KIF7: variants seen among roughly 807,000 people sequenced by gnomAD.
KIF7 encodes the protein kinesin family member 7, also known as kinesin-like protein KIF7.
In KIF7, 104 loss-of-function variants were observed where a neutral mutation model predicts 135.7. The observed-to-expected ratio is 0.77, with a 90% CI of 0.65 to 0.90. The LOEUF (loss-of-function observed/expected upper bound fraction) is 0.90, where lower values mean the gene tolerates loss of function less well. Ranked by LOEUF, KIF7 falls within the 40% of genes least tolerant of loss-of-function variation. The pLI, the probability that KIF7 is intolerant of heterozygous loss-of-function variation, is 0.00. For missense variants in KIF7, 2,005 were observed against 1,839.1 expected (o/e 1.09, Z -1.65); for synonymous variants, 883 against 809.4 (o/e 1.09, Z -1.54).
At chr15:89,652,986 G>T in intron 1 of KIF7, 32 bp from the exon 2 acceptor site, 2 of 1,424,328 alleles carry the variant, frequency 1.4e-6, no homozygotes, top group Middle Eastern at 2.5e-4. Context: ...CTGGCCATCA[G>T]CACTTGTACT....
At chr15:89,661,623 C>T in the KIF7 span, among the ~76,000 whole-genome samples, 12 of 152,278 alleles carry the variant, frequency 7.9e-5, no homozygotes, top group South Asian at 2.1e-4. Context: ...TCTAGATGAC[C>T]GCACTAGCTC....
At position 89,649,954 on chromosome 15, in the gene KIF7, C is replaced by G. The variant is rs771408124; in HGVS notation, c.329-13G>C. On this transcript the variant is annotated splice_polypyrimidine_tract_variant and intron_variant, in intron 2 of 18. Coordinates refer to ENST00000394412, the MANE Select transcript of KIF7 (RefSeq NM_198525.3). ...TCAAGGAGGGAGGCTGGGGAGACAC[C>G]GCAGGGCCTCCTGCCACTTCAGCTG... The G allele has an allele frequency of 6.3e-5, 98 of 1,548,768 alleles. No homozygotes were observed. Among genetic ancestry groups the G allele is most frequent in the Middle Eastern group, 1.7e-4 (1 of 6,012 alleles).
rs150877563 is a variant in KIF7, at chr15:89,634,654, C to T, written c.2395-771G>A. On this transcript the variant is annotated intron_variant, in intron 11 of 18. Coordinates refer to ENST00000394412, the MANE Select transcript of KIF7 (RefSeq NM_198525.3). ...AAAGGCACACCAGGAGATTATATCC[C>T]GCACATGGCTCAGAGGGTCCTACGC... 3.6e-3 allele frequency among the ~76,000 whole-genome samples: 552 copies of T among 152,320 alleles called. 4 individuals are homozygous for T. The highest frequency in any genetic ancestry group is 0.013 in the African/African-American group (531 of 41,566).
chr15:89,642,128 T>A, intron 11 of KIF7, 75 bp downstream of exon 11: 8 of 1,480,938 alleles, frequency 5.4e-6, no homozygotes, highest in Non-Finnish European at 7.5e-6. Flanking sequence ...AGAGCCCACA[T>A]GTCCTGGTCC....
At position 89,633,983 on chromosome 15, in the gene KIF7, G is replaced by C. The variant is rs551168519; in HGVS notation, c.2395-100C>G. 9.5e-5 allele frequency: 119 copies of C among 1,252,822 alleles called. 1 individual carries two copies. Among genetic ancestry groups the C allele is most frequent in the African/African-American group, 4.3e-4 (29 of 68,042 alleles). 77.6% of individuals were successfully genotyped at this position (1,252,822 alleles called of 1,614,324 possible). On this transcript the variant is annotated intron_variant, in intron 11 of 18. Coordinates refer to ENST00000394412, the MANE Select transcript of KIF7 (RefSeq NM_198525.3). ...AGGGCAGGCAGATAGAGGGCAAATGGGTAGGTGGGTGATAGACCAATAATA... is the reference window on the plus strand; with the variant it reads ...AGGGCAGGCAGATAGAGGGCAAATGCGTAGGTGGGTGATAGACCAATAATA...
Position 89,645,111 on chromosome 15 carries a change from G to T in KIF7, c.2093C>A (p.Ala698Asp). The T allele has an allele frequency of 2.5e-6, 4 of 1,605,952 alleles. No homozygotes were observed. The highest frequency in any genetic ancestry group is 3.4e-6 in the Non-Finnish European group (4 of 1,179,984). The change falls in exon 10 of 19, where the codon GCC (alanine) becomes GAC (aspartate). Residue 698 changes from alanine to aspartate, a missense_variant. Coordinates refer to ENST00000394412, the MANE Select transcript of KIF7 (RefSeq NM_198525.3). Reference sequence around the variant, plus strand: ...GGCCTGGGCCAGCCGCCACTCTGAGGCTGTGGCAGGGGGGACCTGGCGGGC... The same window carrying T: ...GGCCTGGGCCAGCCGCCACTCTGAGTCTGTGGCAGGGGGGACCTGGCGGGC... ...VQARQVPPATASEWRLAQAQQ... is the reference protein window; with the variant it reads ...VQARQVPPATDSEWRLAQAQQ...
upstream of KIF7, among the ~76,000 whole-genome samples, chr15:89,660,002 G>A (rs1315564335): frequency 1.3e-5 from 2 of 152,194 alleles, no homozygotes; most frequent in Non-Finnish European, 2.9e-5. Context: ...TTGGAGACCA[G>A]CCTGGCCAAC....
intron 15 of KIF7, chr15:89,631,058 C>A: frequency 4.3e-6 from 1 of 231,362 alleles, no homozygotes; most frequent in Non-Finnish European, 8.6e-6. Flanking sequence ...TTTCTGGGAG[C>A]ACCATTGTTG....
downstream of KIF7, chr15:89,625,193 G>A (rs145901260): frequency 1.1e-4 from 178 of 1,613,268 alleles, 1 homozygote; most frequent in East Asian, 1.1e-3. Context: ...CCCTGCCCCC[G>A]CCTCTCCCAC....
At position 89,649,231 on chromosome 15, in the gene KIF7, G is replaced by A. The variant is rs779111299; in HGVS notation, c.666C>T (p.Thr222=). ...CGCGCCCCCGCTGCTCCAGGGTCACGGTGAAGACCGTGTGTGAGCGGCTAG... is the reference window on the plus strand; with the variant it reads ...CGCGCCCCCGCTGCTCCAGGGTCACAGTGAAGACCGTGTGTGAGCGGCTAG... ...HLSSRSHTVF[T]VTLEQRGRAP... The change falls in exon 4 of 19, where the codon ACC becomes ACT. Residue 222 remains threonine (T), a synonymous_variant. Transcript: ENST00000394412. 23 of 1,544,614 alleles carry A rather than the reference G, an allele frequency of 1.5e-5. No homozygotes were observed. Among genetic ancestry groups the A allele is most frequent in the African/African-American group, 9.6e-5 (7 of 72,846 alleles).
intron 1 of KIF7, chr15:89,619,911 A>G: frequency 6.5e-7 from 1 of 1,531,520 alleles, no homozygotes; most frequent in South Asian, 1.3e-5. Flanking sequence ...TGGGAAAAGA[A>G]GCAAGAAATT....
intron 11 of KIF7, among the ~76,000 whole-genome samples, chr15:89,638,136 T>C (rs1279811914): frequency 6.6e-6 from 1 of 151,424 alleles, no homozygotes; most frequent in African/African-American, 2.4e-5. Flanking sequence ...AAATTAGATA[T>C]TGATGGGACG....
chr15:89,632,931 C>T lies in KIF7; in HGVS notation c.2784G>A (p.Ala928=), dbSNP rs763169748. Residue 928 remains alanine, a synonymous_variant, in exon 14 of 19, where the codon GCG becomes GCA. Transcript: ENST00000394412. Reference sequence around the variant, plus strand: ...GGAGCTCCTCCCCCAGCTCCTCCAGCGCCCGCCGCTGCTGTAGCACCTTCT... The same window carrying T: ...GGAGCTCCTCCCCCAGCTCCTCCAGTGCCCGCCGCTGCTGTAGCACCTTCT... ...EMEKVLQQRR[A]LEELGEELHK... 12 of 1,608,438 alleles carry T rather than the reference C, an allele frequency of 7.5e-6. No homozygotes were observed. The highest frequency in any genetic ancestry group is 3.4e-5 in the Admixed American group (2 of 59,546).
intron 16 of KIF7, 187 bp downstream of exon 16, chr15:89,630,100 A>G: frequency 1.6e-6 from 1 of 633,306 alleles, no homozygotes; most frequent in Non-Finnish European, 2.8e-6. Flanking sequence ...GGGGGCGGGT[A>G]GGAAACTGGG....
At chr15:89,624,098 A>G (rs772615366), downstream of KIF7, 14 of 1,613,978 alleles carry the variant, frequency 8.7e-6, no homozygotes, top group Non-Finnish European at 1.2e-5. Context: ...ACGCCTCAGA[A>G]TCAAACACAC....
chr15:89,646,181 G>C lies in KIF7; in HGVS notation c.1789-155C>G, dbSNP rs1225126833. ...TGGCAGCCTTCTGAATCTCAAGCTGGGGTGAGAGCTTCCTCCCTCCCCTCC... is the reference window on the plus strand; with the variant it reads ...TGGCAGCCTTCTGAATCTCAAGCTGCGGTGAGAGCTTCCTCCCTCCCCTCC... On this transcript the variant is annotated intron_variant, in intron 7 of 18. Transcript: ENST00000394412. 3.3e-5 allele frequency among the ~76,000 whole-genome samples: 5 copies of C among 152,190 alleles called. No individual in the cohort carries two copies. The East Asian group carries it at 7.7e-4, about 24-fold the overall frequency.
intron 15 of KIF7, chr15:89,630,801 C>T (rs1201454993): frequency 8.4e-6 from 4 of 476,840 alleles, no homozygotes; most frequent in Admixed American, 3.3e-5. Flanking sequence ...GGAGGCACCA[C>T]GGTGTCTGCT....
intron 10 of KIF7, among the ~76,000 whole-genome samples, chr15:89,643,240 G>A (rs1208479518): frequency 1.3e-5 from 2 of 152,176 alleles, no homozygotes; most frequent in Non-Finnish European, 2.9e-5. Flanking sequence ...GGCTGCATGT[G>A]TACTGACCAT....
At chr15:89,654,032 C>A (rs150228720) in intron 1 of KIF7, among the ~76,000 whole-genome samples, 1,714 of 152,092 alleles carry the variant, frequency 0.011, 38 homozygotes, top group African/African-American at 0.04. Context: ...TTATTTGAGA[C>A]GGAGTCTTGC....
Sources: allele counts gnomAD v4.1 joint callset (sites outside exome capture counted in the v4.1 genomes callset), GRCh38; gene constraint gnomAD v4.1.1; transcripts MANE v1.5; gene names NCBI Gene and HGNC (gene_info 2026-07-23, HGNC 2026-07-21).